Variants in HDAC4 observed in about 807,000 individuals in gnomAD.
HDAC4 encodes the protein histone deacetylase A.
In HDAC4, 16 loss-of-function variants were observed where a neutral mutation model predicts 135.1. The observed-to-expected ratio is 0.12, with a 90% CI of 0.08 to 0.18. The LOEUF is 0.18. HDAC4 is among the 10% of genes least tolerant of loss of function. The pLI is 1.00. For missense variants in HDAC4, 1,143 were observed against 1,511.8 expected (o/e 0.76, Z 4.05); for synonymous variants, 685 against 653.4 (o/e 1.05, Z -0.74).
chr2:239,189,967 G>C lies in HDAC4; in HGVS notation c.205C>G (p.Gln69Glu), dbSNP rs747047838. 1.6e-5 allele frequency: 25 copies of C among 1,608,476 alleles called. No individual in the cohort carries two copies. The highest frequency in any genetic ancestry group is 1.7e-4 in the Middle Eastern group (1 of 5,934). The change falls in exon 4 of 27, where the codon CAG becomes GAG. Residue 69 changes from glutamine to glutamate, a missense_variant. Physicochemically the swap from Gln to Glu is conservative, Grantham distance 29. Transcript: ENST00000543185. Reference protein sequence around the residue: ...LPVAEPALREQQLQQELLALK... With the variant: ...LPVAEPALREEQLQQELLALK... ...GCCAGGAGCTCCTGCTGCAGCTGCT[G>C]CTCCCGCAGGGCCGGCTCTGCCACA... is the stretch of plus-strand genomic sequence containing the variant.
At position 239,139,614 on chromosome 2, in the gene HDAC4, G is replaced by A; in HGVS notation, c.978+70C>T. On this transcript the variant is annotated intron_variant, in intron 9 of 26. Transcript: ENST00000543185. This position sits in a 1 kb window ranked among gnomAD's most constrained non-coding sequence, Gnocchi z 5.3. ...GAGTGAAGGGCAAGTGCAAAGTGGG[G>A]TCATTTCAAGCTCATCCGTCCCGAG... 7.4e-7 allele frequency: 1 copy of A among 1,355,354 alleles called. No homozygotes were observed. The highest frequency in any genetic ancestry group is 1.1e-6 in the Non-Finnish European group (1 of 944,314). The allele number at this position is 1,355,354 out of a possible 1,614,324, so 84.0% of individuals were successfully genotyped here. A position where few individuals can be genotyped will look rare whatever the true frequency, so the allele number is the denominator to read the frequency against.
chr2:239,329,503 C>CACCGGGACACCCCTCCTCCT (rs148338851), intron 2 of HDAC4, among the ~76,000 whole-genome samples: 14,608 of 151,432 alleles, frequency 0.096, 1,257 homozygotes, highest in East Asian at 0.41. Context: ...CCCCTCCTCC[C>CACCGGGACACCCCTCCTCCT]ACCGGGACAC....
At chr2:239,207,536 G>T (rs80114648) in intron 3 of HDAC4, among the ~76,000 whole-genome samples, 3,335 of 152,204 alleles carry the variant, frequency 0.022, 65 homozygotes, top group Admixed American at 0.063. Context: ...AACATTAGGA[G>T]TTTAATCACC....
At chr2:239,117,348 G>C (rs1255684524) in intron 12 of HDAC4, among the ~76,000 whole-genome samples, 3 of 152,116 alleles carry the variant, frequency 2.0e-5, no homozygotes, top group African/African-American at 7.2e-5. Context: ...GCTAAGGCAT[G>C]GGAGAAAGAA....
intron 2 of HDAC4, chr2:239,298,029 A>C (rs1022386069): frequency 7.1e-6 from 3 of 419,948 alleles, no homozygotes; most frequent in East Asian, 1.4e-4. Flanking sequence ...CACCAAAAAA[A>C]GGCAGGAATT....
intron 6 of HDAC4, among the ~76,000 whole-genome samples, chr2:239,163,571 C>T (rs2042949664): frequency 1.3e-5 from 2 of 152,184 alleles, no homozygotes; most frequent in South Asian, 4.1e-4. Flanking sequence ...GTGAGTGTAC[C>T]CCCAGACCAT....
chr2:239,238,024 C>G (rs1396364939), intron 2 of HDAC4, among the ~76,000 whole-genome samples: 1 of 152,162 alleles, frequency 6.6e-6, no homozygotes, highest in Non-Finnish European at 1.5e-5. Flanking sequence ...ACCACCAGAC[C>G]TGAGCAATCG....
At chr2:239,156,551 C>G in intron 7 of HDAC4, 101 bp downstream of exon 7, 2 of 1,419,914 alleles carry the variant, frequency 1.4e-6, no homozygotes, top group South Asian at 2.3e-5. Context: ...GCAGGTGATT[C>G]CTTCTCTAAG....
At chr2:239,281,616 C>T (rs1172895527) in intron 2 of HDAC4, among the ~76,000 whole-genome samples, 3 of 150,292 alleles carry the variant, frequency 2.0e-5, no homozygotes, top group Non-Finnish European at 3.0e-5. Flanking sequence ...ACTCTACACA[C>T]AATGTACACA....
chr2:239,312,515 G>A lies in HDAC4; in HGVS notation c.22+40163C>T, dbSNP rs145773151. The stretch of plus-strand genomic sequence containing the variant: ...AAAGCCAGATGATGGTGAAATTCAC[G>A]AGGAAAATGTCCCCGACTGTCCTCC... On this transcript the variant is annotated intron_variant, in intron 2 of 26. Coordinates refer to ENST00000543185, the MANE Select transcript of HDAC4 (RefSeq NM_001378414.1). Among the ~76,000 whole-genome samples the A allele has an allele frequency of 3.3e-5, 5 of 152,300 alleles. No homozygotes were observed. The East Asian group carries it at 9.7e-4, about 29-fold the overall frequency.
chr2:239,227,342 T>C (rs1201747557), intron 3 of HDAC4, among the ~76,000 whole-genome samples: 1 of 152,074 alleles, frequency 6.6e-6, no homozygotes, highest in Non-Finnish European at 1.5e-5. Context: ...TGTCCTGGTC[T>C]TCCTGCCCCA....
chr2:239,215,019 G>A (rs1393855706), intron 3 of HDAC4, among the ~76,000 whole-genome samples: 3 of 152,212 alleles, frequency 2.0e-5, no homozygotes, highest in Non-Finnish European at 4.4e-5. Flanking sequence ...CAGGCTCTAG[G>A]ATCTGGAAGG....
At position 239,236,649 on chromosome 2, in the gene HDAC4, C is replaced by G; in HGVS notation, c.38G>C (p.Arg13Pro). The G allele has an allele frequency of 6.4e-7, 1 of 1,551,672 alleles. No individual in the cohort carries two copies. The change falls in exon 3 of 27, where the codon CGA becomes CCA. Residue 13 changes from arginine (R) to proline (P), a missense_variant. By Grantham distance (103) the Arg-to-Pro change is moderately radical. Transcript: ENST00000543185. ...SQSHPDGLSG[R>P]DQPVELLNPA... ...ATTCAGCAGCTCCACTGGCTGGTCT[C>G]GGCCAGAAAGTCCATCTGGAGAACA...
intron 17 of HDAC4, chr2:239,091,943 C>A (rs1360358971): frequency 6.7e-6 from 1 of 149,880 alleles, no homozygotes; most frequent in Non-Finnish European, 1.5e-5. Flanking sequence ...CCGTGGTGGG[C>A]GCCTGTAGTC....
At chr2:239,152,790 C>A (rs1203567595) in intron 7 of HDAC4, among the ~76,000 whole-genome samples, 1 of 152,118 alleles carries the variant, frequency 6.6e-6, no homozygotes, top group Admixed American at 6.6e-5. Context: ...TGGGGGGATG[C>A]TGGGTCTGGC....
At chr2:239,157,266 T>G (rs916478002) in intron 6 of HDAC4, among the ~76,000 whole-genome samples, 1 of 152,246 alleles carries the variant, frequency 6.6e-6, no homozygotes, top group African/African-American at 2.4e-5. Context: ...CTCTGCCACC[T>G]GGAGAGAAGA....
intron 5 of HDAC4, among the ~76,000 whole-genome samples, chr2:239,165,910 G>A (rs1225255762): frequency 6.6e-6 from 1 of 151,828 alleles, no homozygotes; most frequent in Admixed American, 6.6e-5. Context: ...TTTATCCTTG[G>A]TTCTGGTGCT....
At chr2:239,177,299 C>T (rs370020037) in intron 4 of HDAC4, among the ~76,000 whole-genome samples, 19 of 152,370 alleles carry the variant, frequency 1.2e-4, no homozygotes, top group African/African-American at 4.3e-4. Flanking sequence ...CATTCCACCA[C>T]AGCCTGGTGT....
chr2:239,080,532 T>G (rs1021886920), intron 22 of HDAC4, among the ~76,000 whole-genome samples: 1 of 152,226 alleles, frequency 6.6e-6, no homozygotes, highest in Non-Finnish European at 1.5e-5. Flanking sequence ...GACCCCAATC[T>G]GGCCTAGACC....
Sources: allele counts gnomAD v4.1 joint callset (sites outside exome capture counted in the v4.1 genomes callset), GRCh38; gene constraint gnomAD v4.1.1; non-coding constraint Gnocchi (gnomAD v3.1); transcripts MANE v1.5; gene names NCBI Gene and HGNC (gene_info 2026-07-23, HGNC 2026-07-21).